CREBBP: variants seen among roughly 807,000 people sequenced by gnomAD.
CREBBP encodes the protein CREB binding lysine acetyltransferase, also known as CREB-binding protein.
A neutral mutation model predicts 265.0 loss-of-function variants in CREBBP; 19 were observed. That is an observed-to-expected ratio of 0.07 (90% CI 0.05 to 0.11). CREBBP has a LOEUF of 0.11. Ranked by LOEUF, CREBBP falls within the 10% of genes least tolerant of loss-of-function variation. The pLI is 1.00. For missense variants in CREBBP, 2,525 were observed against 3,219.0 expected, an observed-to-expected ratio of 0.78 and a Z score of 5.22; for synonymous variants, 1,457 against 1,223.7, an observed-to-expected ratio of 1.19 and a Z score of -3.98.
At chr16:3,853,398 C>T (rs2054895377) in intron 1 of CREBBP, among the ~76,000 whole-genome samples, 2 of 148,056 alleles carry the variant, frequency 1.4e-5, no homozygotes, top group Admixed American at 1.3e-4. Context: ...ATCACGAGGT[C>T]AGGAGATTGA....
At chr16:3,866,134 G>C (rs902094608) in intron 1 of CREBBP, among the ~76,000 whole-genome samples, 4 of 152,160 alleles carry the variant, frequency 2.6e-5, no homozygotes, top group African/African-American at 9.7e-5. Context: ...AGCTTAAAAG[G>C]CTAGAAAAGA....
intron 5 of CREBBP, among the ~76,000 whole-genome samples, chr16:3,785,758 T>C (rs2053372062): frequency 6.6e-6 from 1 of 152,242 alleles, no homozygotes; most frequent in Non-Finnish European, 1.5e-5. Context: ...CAAGGCCGTG[T>C]GCTCATTTGG....
intron 13 of CREBBP, among the ~76,000 whole-genome samples, chr16:3,772,326 CAA>C (rs753732463): frequency 1.6e-4 from 17 of 103,198 alleles, no homozygotes; most frequent in South Asian, 3.7e-4. Flanking sequence ...CTCTGAAACA[CAA>C]ACACACACAC....
chr16:3,750,555 G>A (rs1205964285), intron 20 of CREBBP, among the ~76,000 whole-genome samples: 1 of 152,230 alleles, frequency 6.6e-6, no homozygotes, highest in African/African-American at 2.4e-5. Flanking sequence ...ATAGAAATGA[G>A]TTGATAACAC....
intron 13 of CREBBP, 95 bp downstream of exon 13, chr16:3,773,656 T>G (rs969100342): frequency 2.2e-6 from 3 of 1,347,158 alleles, no homozygotes; most frequent in Non-Finnish European, 3.1e-6. Flanking sequence ...ATTCTGGAAT[T>G]TTAATTTCCA....
intron 1 of CREBBP, among the ~76,000 whole-genome samples, chr16:3,863,812 G>A (rs1035468526): frequency 6.6e-6 from 1 of 152,156 alleles, no homozygotes; most frequent in African/African-American, 2.4e-5. Context: ...GAAGGGTGGG[G>A]ACAAGGGTGG....
intron 28 of CREBBP, among the ~76,000 whole-genome samples, chr16:3,734,955 G>A (rs1010564609): frequency 6.6e-6 from 1 of 152,156 alleles, no homozygotes; most frequent in Admixed American, 6.5e-5. Flanking sequence ...TCCATTCACC[G>A]CTTTTCCTCA....
rs549366567 is a variant in CREBBP, at chr16:3,870,094, T to C, written c.85+9738A>G. On this transcript the variant is annotated intron_variant, in intron 1 of 30. Transcript: ENST00000262367. ...TGTAAATCAGATTTAAGTAAAGATA[T>C]CCACAAATCGGGGAAAAATTTTGTC... 5.9e-5 allele frequency among the ~76,000 whole-genome samples: 9 copies of C among 152,040 alleles called. No homozygotes were observed. The South Asian group carries it at 1.9e-3, about 32-fold the overall frequency.
intron 24 of CREBBP, 132 bp from the exon 25 acceptor site, chr16:3,739,856 C>CA: frequency 2.3e-6 from 3 of 1,276,728 alleles, no homozygotes; most frequent in Non-Finnish European, 2.2e-6. Context: ...AGACCGTGGC[C>CA]TGGAGTCCTC....
At chr16:3,738,718 T>G in intron 25 of CREBBP, 46 bp from the exon 26 acceptor site, 1 of 1,254,896 alleles carries the variant, frequency 8.0e-7, no homozygotes, top group Non-Finnish European at 1.2e-6. Context: ...CCCTCAAATC[T>G]GAAATCAAAC....
In CREBBP at chr16:3,778,268, C is replaced by T. The variant is rs1422588466; in HGVS notation, c.1942-86G>A. 2.2e-5 allele frequency: 25 copies of T among 1,140,396 alleles called. 1 individual carries two copies. Among genetic ancestry groups the T allele is most frequent in the Admixed American group, 3.6e-5 (2 of 55,940 alleles). The allele number at this position is 1,140,396 out of a possible 1,614,324, so 70.6% of individuals were successfully genotyped here. A position where few individuals can be genotyped will look rare whatever the true frequency, so the allele number is the denominator to read the frequency against. The stretch of plus-strand genomic sequence containing the variant: ...TGTGTTGTAGGTTCTAACTAATGAA[C>T]TTCCTCATTGAGTACACTGGCAAAA... On this transcript the variant is annotated intron_variant, in intron 9 of 30. Coordinates refer to ENST00000262367, the MANE Select transcript of CREBBP (RefSeq NM_004380.3).
At chr16:3,800,696 G>A (rs1051530687) in intron 3 of CREBBP, among the ~76,000 whole-genome samples, 14 of 151,964 alleles carry the variant, frequency 9.2e-5, no homozygotes, top group African/African-American at 2.9e-4. Flanking sequence ...CCCAGCCTGG[G>A]CAACATAGCA....
At chr16:3,809,631 G>A (rs1030484041) in intron 3 of CREBBP, among the ~76,000 whole-genome samples, 9 of 152,118 alleles carry the variant, frequency 5.9e-5, no homozygotes, top group Admixed American at 3.3e-4. Context: ...AGCACTGTAA[G>A]CAATGTTAAT....
chr16:3,760,489 G>A (rs2052692343), intron 16 of CREBBP, among the ~76,000 whole-genome samples: 1 of 130,672 alleles, frequency 7.7e-6, no homozygotes, highest in African/African-American at 2.9e-5. Flanking sequence ...AGCAACCTCA[G>A]CCTCCTGAAT....
chr16:3,820,726 G>A (rs1041553320), intron 2 of CREBBP, among the ~76,000 whole-genome samples: 4 of 152,124 alleles, frequency 2.6e-5, no homozygotes, highest in South Asian at 2.1e-4. Flanking sequence ...CAGGTGTGAC[G>A]GCGTGTGCTT....
chr16:3,855,015 G>A (rs2054929976), intron 1 of CREBBP, among the ~76,000 whole-genome samples: 1 of 152,166 alleles, frequency 6.6e-6, no homozygotes, highest in African/African-American at 2.4e-5. Flanking sequence ...GTATGCATGT[G>A]CAACTCAGGA....
At chr16:3,840,118 T>C (rs939545809) in intron 2 of CREBBP, among the ~76,000 whole-genome samples, 4 of 152,344 alleles carry the variant, frequency 2.6e-5, no homozygotes, top group South Asian at 2.1e-4. Context: ...ACTATTTTTG[T>C]TGTGATCTTT....
At chr16:3,848,336 A>T (rs1482624185) in intron 2 of CREBBP, among the ~76,000 whole-genome samples, 1 of 152,202 alleles carries the variant, frequency 6.6e-6, no homozygotes, top group Non-Finnish European at 1.5e-5. Context: ...AAAGCTCTTG[A>T]AGTGCAGTCC....
intron 1 of CREBBP, among the ~76,000 whole-genome samples, chr16:3,851,541 T>C (rs2054836319): frequency 2.0e-5 from 3 of 152,266 alleles, no homozygotes; most frequent in South Asian, 2.1e-4. Flanking sequence ...CACTGAATTA[T>C]AATTTTAAAA....
Sources: allele counts gnomAD v4.1 joint callset (sites outside exome capture counted in the v4.1 genomes callset), GRCh38; gene constraint gnomAD v4.1.1; transcripts MANE v1.5; gene names NCBI Gene and HGNC (gene_info 2026-07-23, HGNC 2026-07-21).